The following DLGAP2 variants were observed in gnomAD, a reference collection of about 807,000 sequenced individuals.
DLGAP2 encodes the protein disks large-associated protein 2.
Under a neutral mutation model 100.3 loss-of-function variants are expected in DLGAP2, and 26 were observed. The observed-to-expected ratio is 0.26, with a 90% CI of 0.19 to 0.36. DLGAP2 has a LOEUF of 0.36. Ranked by LOEUF, DLGAP2 falls within the 10% of genes least tolerant of loss-of-function variation. The probability of loss-of-function intolerance (pLI) is 1.00; values close to 1 mark genes in which losing one functional copy is unlikely to be tolerated. For missense variants in DLGAP2, 1,858 were observed against 1,453.2 expected (o/e 1.28, Z -4.53); for synonymous variants, 886 against 630.1 (o/e 1.41, Z -6.08).
chr8:1,420,672 C>T (rs1454075486), intron 3 of DLGAP2, among the ~76,000 whole-genome samples: 2 of 152,176 alleles, frequency 1.3e-5, no homozygotes, highest in Non-Finnish European at 2.9e-5. Flanking sequence ...CATTCCCTCT[C>T]GCCAAAATGC....
At chr8:1,293,948 G>A (rs73670714) in intron 3 of DLGAP2, among the ~76,000 whole-genome samples, 2,275 of 152,288 alleles carry the variant, frequency 0.015, 62 homozygotes, top group African/African-American at 0.051. Flanking sequence ...ATCAGGCTGC[G>A]GATACCTTGC....
intron 1 of DLGAP2, among the ~76,000 whole-genome samples, chr8:781,391 C>T (rs1374937327): frequency 6.6e-6 from 1 of 152,064 alleles, no homozygotes; most frequent in African/African-American, 2.4e-5. Context: ...AGGAACATCA[C>T]AGAAAATAAT....
At chr8:813,576 G>C (rs553222543) in intron 1 of DLGAP2, among the ~76,000 whole-genome samples, 8 of 152,260 alleles carry the variant, frequency 5.3e-5, no homozygotes, top group Non-Finnish European at 1.0e-4. Flanking sequence ...TAAACAGGAA[G>C]GTAAACTGAT....
rs1013387644 is a variant in DLGAP2, at chr8:737,696, G to C, written c.-112G>C. 8.1e-6 allele frequency: 3 copies of C among 369,118 alleles called. No individual in the cohort carries two copies. Among genetic ancestry groups the C allele is most frequent in the Non-Finnish European group, 1.4e-5 (3 of 206,908 alleles). 22.9% of individuals were successfully genotyped at this position (369,118 alleles called of 1,614,324 possible). On this transcript the variant is annotated 5_prime_UTR_variant, in exon 1 of 15. Coordinates refer to ENST00000637795, the MANE Select transcript of DLGAP2 (RefSeq NM_001346810.2). ...CGCCTGCGGCGGCGAACGGACGGAC[G>C]GACCGCGGACGGACGTACTGACCCC... is the stretch of plus-strand genomic sequence containing the variant.
At chr8:1,328,520 TG>T (rs988299881) in intron 3 of DLGAP2, among the ~76,000 whole-genome samples, 3 of 152,020 alleles carry the variant, frequency 2.0e-5, no homozygotes, top group Non-Finnish European at 4.4e-5. Context: ...GTTTGTTTTT[TG>T]GTTTTTTTTA....
intron 3 of DLGAP2, among the ~76,000 whole-genome samples, chr8:1,447,849 T>A (rs536900716): frequency 6.6e-6 from 1 of 152,386 alleles, no homozygotes; most frequent in Non-Finnish European, 1.5e-5. Context: ...ATCCATTTCT[T>A]CTAGATTTTC....
intron 4 of DLGAP2, among the ~76,000 whole-genome samples, chr8:1,524,622 T>G (rs1361158297): frequency 6.6e-6 from 1 of 152,096 alleles, no homozygotes; most frequent in Non-Finnish European, 1.5e-5. Flanking sequence ...CGTTTTTGTG[T>G]CCCCATATCA....
chr8:1,160,573 C>A (rs553707980), intron 2 of DLGAP2, among the ~76,000 whole-genome samples: 5 of 152,268 alleles, frequency 3.3e-5, no homozygotes, highest in Admixed American at 3.3e-4. Context: ...CATTATTTTG[C>A]CAGTTTGGGG....
At chr8:1,381,034 A>T (rs1432713608) in intron 3 of DLGAP2, 1 of 151,792 alleles carries the variant, frequency 6.6e-6, no homozygotes, top group African/African-American at 2.4e-5. Flanking sequence ...TACTTAAATA[A>T]TATAAGGAGT....
chr8:1,330,412 G>C (rs1170550479), intron 3 of DLGAP2, among the ~76,000 whole-genome samples: 2 of 150,210 alleles, frequency 1.3e-5, no homozygotes, highest in Non-Finnish European at 3.0e-5. Context: ...TTCTGGGTGG[G>C]AGCACCGCTT....
intron 4 of DLGAP2, among the ~76,000 whole-genome samples, chr8:1,538,634 C>G (rs967446578): frequency 6.6e-6 from 1 of 152,188 alleles, no homozygotes; most frequent in Non-Finnish European, 1.5e-5. Context: ...ATGCTCACCG[C>G]TTGCTTTCTG....
intron 1 of DLGAP2, among the ~76,000 whole-genome samples, chr8:759,605 C>A (rs1585833080): frequency 6.6e-6 from 1 of 152,304 alleles, no homozygotes; most frequent in Admixed American, 6.5e-5. Context: ...CCCTGGGCTG[C>A]ACGTTCCCGG....
chr8:923,710 G>C (rs772052606), intron 2 of DLGAP2, among the ~76,000 whole-genome samples: 4 of 152,206 alleles, frequency 2.6e-5, no homozygotes, highest in South Asian at 2.1e-4. Flanking sequence ...GAACTGAATT[G>C]AACCTGTGCT....
At chr8:917,398 C>T (rs1388006036) in intron 2 of DLGAP2, among the ~76,000 whole-genome samples, 2 of 151,992 alleles carry the variant, frequency 1.3e-5, no homozygotes, top group Non-Finnish European at 2.9e-5. Flanking sequence ...GCCACCACAC[C>T]CAGCTAATTT....
At chr8:854,441 C>A (rs1034534131) in intron 1 of DLGAP2, among the ~76,000 whole-genome samples, 2 of 152,162 alleles carry the variant, frequency 1.3e-5, no homozygotes, top group East Asian at 3.9e-4. Flanking sequence ...CAGTCTGAGG[C>A]CAGGAGGCTG....
chr8:844,527 C>T (rs186403824), intron 1 of DLGAP2, among the ~76,000 whole-genome samples: 105 of 152,292 alleles, frequency 6.9e-4, no homozygotes, highest in African/African-American at 2.4e-3. Flanking sequence ...TGCTGTCCTT[C>T]GTCGCCCATC....
At chr8:1,293,376 G>A (rs886088539) in intron 3 of DLGAP2, among the ~76,000 whole-genome samples, 1 of 149,440 alleles carries the variant, frequency 6.7e-6, no homozygotes, top group African/African-American at 2.5e-5. Flanking sequence ...TGGGCTCCCG[G>A]ACGGCTGAGC....
intron 2 of DLGAP2, among the ~76,000 whole-genome samples, chr8:933,380 C>T (rs1184366931): frequency 1.3e-5 from 1 of 79,392 alleles, no homozygotes; most frequent in African/African-American, 4.9e-5. Flanking sequence ...GCCTGCTGTG[C>T]AGATACCTGG....
rs142614022 is a variant in DLGAP2 at position 916,239 on chromosome 8, C to T, written c.73+8273C>T. On this transcript the variant is annotated intron_variant, in intron 2 of 14. Transcript: ENST00000637795. The stretch of plus-strand genomic sequence containing the variant: ...CAGTGTAAGACAAGCTACATATATA[C>T]ATGAAATTGATGACAAAACCCAAGG... Among the ~76,000 whole-genome samples, 377 of 152,316 alleles carry T rather than the reference C, an allele frequency of 2.5e-3. 1 individual carries two copies. Among genetic ancestry groups the T allele is most frequent in the African/African-American group, 8.4e-3 (351 of 41,552 alleles).
Sources: allele counts gnomAD v4.1 joint callset (sites outside exome capture counted in the v4.1 genomes callset), GRCh38; gene constraint gnomAD v4.1.1; transcripts MANE v1.5; gene names NCBI Gene and HGNC (gene_info 2026-07-23, HGNC 2026-07-21).